Variants in ITGA2 observed in about 807,000 individuals in gnomAD.
ITGA2 encodes the protein integrin alpha-2.
ITGA2 carries 101 observed loss-of-function variants against 146.3 expected under a neutral mutation model. The ratio of observed to expected loss-of-function variants is 0.69; its 90% confidence interval spans 0.59 to 0.81. ITGA2 has a LOEUF of 0.81. ITGA2 is among the 40% of genes least tolerant of loss of function. The probability of loss-of-function intolerance (pLI) is 0.00; values close to 1 mark genes in which losing one functional copy is unlikely to be tolerated. For synonymous variants in ITGA2, 477 were observed against 487.1 expected, an observed-to-expected ratio of 0.98 and a Z score of 0.27; for missense variants, 1,281 against 1,402.7, an observed-to-expected ratio of 0.91 and a Z score of 1.39.
At chr5:52,996,714 T>G (rs1371544466) in intron 1 of ITGA2, among the ~76,000 whole-genome samples, 1 of 152,228 alleles carries the variant, frequency 6.6e-6, no homozygotes, top group Non-Finnish European at 1.5e-5. Flanking sequence ...AACACTCCAA[T>G]TCCAGTGGCA....
rs2112069564 is a variant in ITGA2, at chr5:53,094,730, T to C, written c.*4131T>C. Reference sequence around the variant, plus strand: ...TTTCATACCACATTATTGAATATTGTTACAATTGTTTTGAAAATAAAGCCA... The same window carrying C: ...TTTCATACCACATTATTGAATATTGCTACAATTGTTTTGAAAATAAAGCCA... On this transcript the variant is annotated 3_prime_UTR_variant, in exon 30 of 30. Coordinates refer to ENST00000296585, the MANE Select transcript of ITGA2 (RefSeq NM_002203.4). 1 of 152,322 alleles carries C rather than the reference T, an allele frequency of 6.6e-6. No individual in the cohort carries two copies. Among genetic ancestry groups the C allele is most frequent in the East Asian group, 1.9e-4 (1 of 5,190 alleles). 9.4% of individuals were successfully genotyped at this position (152,322 alleles called of 1,614,324 possible).
chr5:53,011,035 G>A (rs889092030), intron 1 of ITGA2, among the ~76,000 whole-genome samples: 1 of 152,144 alleles, frequency 6.6e-6, no homozygotes, highest in Non-Finnish European at 1.5e-5. Flanking sequence ...GAAGAAACAA[G>A]AAATGGATTC....
chr5:53,042,359 C>T (rs1743844112), intron 3 of ITGA2, 138 bp downstream of exon 3: 1 of 658,992 alleles, frequency 1.5e-6, no homozygotes, highest in East Asian at 2.8e-5. Flanking sequence ...ATATGGGGCA[C>T]AATCATATCC....
intron 26 of ITGA2, 108 bp downstream of exon 26, chr5:53,081,804 C>A: frequency 2.6e-6 from 2 of 755,444 alleles, no homozygotes; most frequent in Non-Finnish European, 2.2e-6. Context: ...TCTTATTTTG[C>A]CTTTGATGCT....
intron 2 of ITGA2, among the ~76,000 whole-genome samples, chr5:53,036,276 C>T (rs1743489069): frequency 1.3e-5 from 2 of 152,244 alleles, no homozygotes; most frequent in Non-Finnish European, 2.9e-5. Flanking sequence ...AACAGTGTGG[C>T]CTTCAAAATT....
chr5:53,065,713 G>C, intron 14 of ITGA2, 128 bp from the exon 15 acceptor site: 1 of 1,226,042 alleles, frequency 8.2e-7, no homozygotes, highest in South Asian at 1.3e-5. Flanking sequence ...TGAATCTTTA[G>C]AATTTGTAGA....
intron 27 of ITGA2, among the ~76,000 whole-genome samples, chr5:53,084,353 CA>C (rs1162011811): frequency 1.3e-5 from 2 of 151,840 alleles, no homozygotes; most frequent in East Asian, 3.9e-4. Flanking sequence ...AAACGCTACT[CA>C]TTTTTTTTTC....
chr5:53,028,460 G>C (rs576886745), intron 2 of ITGA2, among the ~76,000 whole-genome samples: 2 of 152,322 alleles, frequency 1.3e-5, no homozygotes, highest in African/African-American at 4.8e-5. Context: ...GGATACGAGA[G>C]AGAGTTGCAT....
At chr5:53,003,987 T>C (rs1201193736) in intron 1 of ITGA2, among the ~76,000 whole-genome samples, 1 of 152,084 alleles carries the variant, frequency 6.6e-6, no homozygotes, top group Non-Finnish European at 1.5e-5. Context: ...ATGGATATTA[T>C]TGACAATTGG....
At chr5:53,029,586 C>A (rs1268034535) in intron 2 of ITGA2, among the ~76,000 whole-genome samples, 2 of 152,178 alleles carry the variant, frequency 1.3e-5, no homozygotes, top group East Asian at 3.9e-4. Context: ...CTATATAGCA[C>A]TCGACTGCTC....
Position 53,090,022 on chromosome 5 carries a change from G to C in ITGA2, c.3425G>C (p.Gly1142Ala), listed in dbSNP as rs768995797. The C allele has an allele frequency of 6.2e-7, 1 of 1,613,244 alleles. No individual in the cohort carries two copies. The highest frequency in any genetic ancestry group is 1.1e-5 in the South Asian group (1 of 91,082). The change falls in exon 29 of 30, where the codon GGA (glycine) becomes GCA (alanine). Residue 1142 changes from glycine to alanine, a missense_variant. Physicochemically the swap from Gly to Ala is moderately conservative, Grantham distance 60. Transcript: ENST00000296585. ...GTTATAATAGGAAGTATAATTGCTG[G>C]AATCCTTTTGCTGTTAGCTCTGGTT... ...TGVIIGSIIA[G>A]ILLLLALVAI...
At chr5:52,995,453 TAAA>T (rs1164752329) in intron 1 of ITGA2, among the ~76,000 whole-genome samples, 4 of 151,552 alleles carry the variant, frequency 2.6e-5, no homozygotes, top group African/African-American at 9.7e-5. Context: ...GGAAAGGCAT[TAAA>T]GAAGAAGAGT....
intron 7 of ITGA2, among the ~76,000 whole-genome samples, chr5:53,052,703 A>G (rs904204537): frequency 1.3e-5 from 2 of 152,056 alleles, no homozygotes; most frequent in Non-Finnish European, 2.9e-5. Context: ...AATGATGAAC[A>G]TACGCTGCTA....
In ITGA2 at chr5:53,062,903, A is replaced by C; in HGVS notation, c.1576A>C (p.Arg526=). The part of the protein sequence containing the change: ...YMSDLKKEEG[R]VYLFTIKEGI... Reference sequence around the variant, plus strand: ...GAGTGACCTAAAGAAAGAGGAAGGAAGAGTCTACCTGTTTACTATCAAAGA... The same window carrying C: ...GAGTGACCTAAAGAAAGAGGAAGGACGAGTCTACCTGTTTACTATCAAAGA... The change falls in exon 13 of 30, where the codon AGA becomes CGA. Residue 526 remains arginine (R), a synonymous_variant. Transcript: ENST00000296585. 4 of 1,611,084 alleles carry C rather than the reference A, an allele frequency of 2.5e-6. No individual in the cohort carries two copies. Among genetic ancestry groups the C allele is most frequent in the Non-Finnish European group, 3.4e-6 (4 of 1,177,988 alleles).
At chr5:53,087,612 TGGTCCCCTTGATAAAAAAAAAAAAAAAA>T (rs1431413835) in intron 28 of ITGA2, among the ~76,000 whole-genome samples, 2 of 142,476 alleles carry the variant, frequency 1.4e-5, no homozygotes, top group Admixed American at 1.5e-4. Context: ...GGACTATAAA[TGGTCCCCTTGATAAAAAAAAAAAAAAAA>T]GCTTTTACAG....
chr5:53,062,814 G>A lies in ITGA2; in HGVS notation c.1487G>A (p.Cys496Tyr). Residue 496 changes from cysteine to tyrosine, a missense_variant, in exon 13 of 30, where the codon TGT (cysteine) becomes TAT (tyrosine). Transcript: ENST00000296585. Reference protein sequence around the residue: ...QIGSYFGSVLCSVDVDKDTIT... With the variant: ...QIGSYFGSVLYSVDVDKDTIT... ...GGCTCCTATTTTGGTAGTGTGCTGT[G>A]TTCAGTTGATGTGGATAAAGACACC... The A allele has an allele frequency of 3.1e-6, 5 of 1,611,672 alleles. No homozygotes were observed. The highest frequency in any genetic ancestry group is 4.2e-6 in the Non-Finnish European group (5 of 1,178,380).
intron 1 of ITGA2, among the ~76,000 whole-genome samples, chr5:53,025,063 T>C (rs27618): frequency 0.84 from 127,484 of 152,132 alleles, 53,620 homozygotes; most frequent in Non-Finnish European, 0.87. Context: ...AAAATGAGGT[T>C]GTTTTATGTA....
Position 53,028,237 on chromosome 5 carries a change from T to C in ITGA2, c.185+1369T>C, listed in dbSNP as rs1743047205. On this transcript the variant is annotated intron_variant, in intron 2 of 29. Transcript: ENST00000296585. ...TTGATGAGGAAACAAAATGAAATCA[T>C]CCCCTGAGAGGGCAGCATTTCTCAG... Among the ~76,000 whole-genome samples, 3 of 152,164 alleles carry C rather than the reference T, an allele frequency of 2.0e-5. 1 individual carries two copies. In the South Asian group the frequency reaches 6.2e-4, roughly 32 times the overall value.
chr5:53,026,074 C>T (rs1027849811), intron 1 of ITGA2, among the ~76,000 whole-genome samples: 6 of 152,164 alleles, frequency 3.9e-5, no homozygotes, highest in African/African-American at 1.2e-4. Flanking sequence ...AAAAACAAAA[C>T]ACTTTTGACA....
Sources: allele counts gnomAD v4.1 joint callset (sites outside exome capture counted in the v4.1 genomes callset), GRCh38; gene constraint gnomAD v4.1.1; transcripts MANE v1.5; gene names NCBI Gene and HGNC (gene_info 2026-07-23, HGNC 2026-07-21).